Variants in SEPTIN14 observed in about 807,000 individuals in gnomAD.
The protein encoded by SEPTIN14 is septin 14, also known as septin-14.
In SEPTIN14, 40 loss-of-function variants were observed where a neutral mutation model predicts 53.6. The observed-to-expected ratio is 0.75, with a 90% CI of 0.58 to 0.97. SEPTIN14 has a LOEUF of 0.97. Ranked by LOEUF, SEPTIN14 falls within the 50% of genes least tolerant of loss-of-function variation. The pLI is 0.00. For synonymous variants in SEPTIN14, 138 were observed against 166.8 expected (o/e 0.83, Z 1.33); for missense variants, 471 against 508.2 (o/e 0.93, Z 0.70).
chr7:55,800,763 T>C (rs1312223676), intron 9 of SEPTIN14, among the ~76,000 whole-genome samples: 2 of 152,196 alleles, frequency 1.3e-5, no homozygotes. Context: ...TAAGACGCAG[T>C]ATTTGATAGC....
At chr7:55,826,253 C>A (rs1788985665) in intron 6 of SEPTIN14, among the ~76,000 whole-genome samples, 1 of 152,066 alleles carries the variant, frequency 6.6e-6, no homozygotes, top group East Asian at 1.9e-4. Flanking sequence ...ATTCACACTG[C>A]CATACATTAG....
In SEPTIN14 at chr7:55,852,139, C is replaced by CT. The variant is rs1438195502; in HGVS notation, c.55-5503_55-5502insA. Among the ~76,000 whole-genome samples, 209 of 115,662 alleles carry CT rather than the reference C, an allele frequency of 1.8e-3. 1 individual carries two copies. Among genetic ancestry groups the CT allele is most frequent in the African/African-American group, 6.0e-3 (194 of 32,442 alleles). 75.9% of individuals were successfully genotyped at this position (115,662 alleles called of 152,430 possible). Reference sequence around the variant, plus strand: ...CCTGGGCAACAGAGTGAGACTCTGTCAAAAAAAAAAAAAAGAAGAAGAAAA... The same window carrying CT: ...CCTGGGCAACAGAGTGAGACTCTGTCTAAAAAAAAAAAAAAGAAGAAGAAAA... On this transcript the variant is annotated intron_variant, in intron 2 of 9. Transcript: ENST00000388975.
intron 2 of SEPTIN14, among the ~76,000 whole-genome samples, chr7:55,858,571 G>A (rs1456190698): frequency 6.6e-6 from 1 of 152,172 alleles, no homozygotes; most frequent in Non-Finnish European, 1.5e-5. Context: ...TTGGGAGGCA[G>A]AGGCGAGCAG....
chr7:55,797,072 G>A (rs1304488544), intron 9 of SEPTIN14, among the ~76,000 whole-genome samples: 17 of 152,076 alleles, frequency 1.1e-4, no homozygotes, highest in Admixed American at 4.6e-4. Context: ...GCAGTAAGCC[G>A]AGACCGTGCC....
At position 55,795,020 on chromosome 7, in the gene SEPTIN14, T is replaced by C. The variant is rs1404234741; in HGVS notation, c.*893A>G. On this transcript the variant is annotated 3_prime_UTR_variant, in exon 10 of 10. Coordinates refer to ENST00000388975, the MANE Select transcript of SEPTIN14 (RefSeq NM_207366.3). Reference sequence around the variant, plus strand: ...GTAACACATAATATTATCATTCAAATGCAACTCTTTCTCTAGCTTTTGAAT... The same window carrying C: ...GTAACACATAATATTATCATTCAAACGCAACTCTTTCTCTAGCTTTTGAAT... 1.3e-5 allele frequency: 2 copies of C among 152,180 alleles called. No individual in the cohort carries two copies. The highest frequency in any genetic ancestry group is 2.9e-5 in the Non-Finnish European group (2 of 68,042). 9.4% of individuals were successfully genotyped at this position (152,180 alleles called of 1,614,324 possible).
intron 5 of SEPTIN14, among the ~76,000 whole-genome samples, chr7:55,837,785 G>C (rs1186691288): frequency 6.6e-6 from 1 of 152,148 alleles, no homozygotes; most frequent in Non-Finnish European, 1.5e-5. Flanking sequence ...GTTTCACCAT[G>C]TTGGTCAGGC....
At chr7:55,832,921 A>G (rs1043099219) in intron 6 of SEPTIN14, among the ~76,000 whole-genome samples, 1 of 152,142 alleles carries the variant, frequency 6.6e-6, no homozygotes, top group Middle Eastern at 3.2e-3. Context: ...AAACCTCACC[A>G]TTATGCAATA....
intron 7 of SEPTIN14, among the ~76,000 whole-genome samples, chr7:55,818,071 A>G (rs1268710722): frequency 2.0e-5 from 3 of 152,190 alleles, no homozygotes; most frequent in Non-Finnish European, 4.4e-5. Context: ...ATAGATATAT[A>G]TTTTATAACA....
chr7:55,830,878 T>G (rs1006616263), intron 6 of SEPTIN14, among the ~76,000 whole-genome samples: 3 of 152,054 alleles, frequency 2.0e-5, no homozygotes, highest in Non-Finnish European at 4.4e-5. Flanking sequence ...ACAGCCAAAT[T>G]TTGCCACAAG....
At position 55,805,302 on chromosome 7, in the gene SEPTIN14, G is replaced by A. The variant is rs756347947; in HGVS notation, c.1075C>T (p.Arg359Ter). The change falls in exon 9 of 10, where the codon CGA (arginine) becomes TGA (stop). Residue 359 changes from arginine (R) to a stop codon, truncating the protein, a stop_gained. Coordinates refer to ENST00000388975, the MANE Select transcript of SEPTIN14 (RefSeq NM_207366.3). LOFTEE classifies it high-confidence loss of function. The part of the protein sequence containing the change: ...EEELKQRFMQ[R>*]VKEKEATFKE... ...AATGTTGCTTCTTTCTCCTTGACTCGCTGCATAAATCTCTGTTTCAACTCT... is the reference window on the plus strand; with the variant it reads ...AATGTTGCTTCTTTCTCCTTGACTCACTGCATAAATCTCTGTTTCAACTCT... The A allele has an allele frequency of 1.6e-5, 26 of 1,611,130 alleles. No individual in the cohort carries two copies. Among genetic ancestry groups the A allele is most frequent in the Admixed American group, 5.0e-5 (3 of 59,748 alleles).
At chr7:55,819,771 T>C (rs1788861888) in intron 6 of SEPTIN14, among the ~76,000 whole-genome samples, 1 of 152,174 alleles carries the variant, frequency 6.6e-6, no homozygotes, top group Admixed American at 6.5e-5. Flanking sequence ...GGTATCCTGC[T>C]GTGGGAAACA....
intron 3 of SEPTIN14, among the ~76,000 whole-genome samples, chr7:55,845,688 A>C (rs934414083): frequency 5.9e-5 from 9 of 152,106 alleles, no homozygotes; most frequent in African/African-American, 2.2e-4. Context: ...TTTTCAATTA[A>C]AAATAATATT....
At chr7:55,813,900 G>A (rs1160721358) in intron 7 of SEPTIN14, among the ~76,000 whole-genome samples, 1 of 152,124 alleles carries the variant, frequency 6.6e-6, no homozygotes, top group African/African-American at 2.4e-5. Flanking sequence ...TAGTAGCAAG[G>A]CAGTAGTTGC....
At chr7:55,838,290 T>G (rs1034602173) in intron 5 of SEPTIN14, among the ~76,000 whole-genome samples, 1 of 152,210 alleles carries the variant, frequency 6.6e-6, no homozygotes, top group Non-Finnish European at 1.5e-5. Context: ...GGCTCTTGTA[T>G]CTGAATCCTG....
rs748016550 is a variant in SEPTIN14, at chr7:55,795,946, G to A, written c.1266C>T (p.Thr422=). 45 of 1,594,252 alleles carry A rather than the reference G, an allele frequency of 2.8e-5. No individual in the cohort carries two copies. The highest frequency in any genetic ancestry group is 2.3e-4 in the South Asian group (21 of 90,894). Residue 422 remains threonine, a synonymous_variant, in exon 10 of 10, where the codon ACC becomes ACT. Transcript: ENST00000388975. ...TACGATGTTTGTCTTTCTTTGTATC[G>A]GTGCTCAGCTGAGTCTGCAGTGCTT... ...ASEALQTQLS[T]DTKKDKHRKK is the part of the protein sequence containing the mutation.
intron 1 of SEPTIN14, 100 bp from the exon 2 acceptor site, chr7:55,862,111 T>C (rs2116092946): frequency 2.8e-6 from 2 of 706,806 alleles, no homozygotes; most frequent in South Asian, 3.7e-5. Flanking sequence ...TGGGTATTTT[T>C]GCAAGCTTTA....
At chr7:55,840,980 ACCT>A (rs1789301447) in intron 5 of SEPTIN14, among the ~76,000 whole-genome samples, 1 of 151,966 alleles carries the variant, frequency 6.6e-6, no homozygotes, top group Non-Finnish European at 1.5e-5. Context: ...GCTCACTGCA[ACCT>A]CCGCCTCCCT....
rs530185124 is a variant in SEPTIN14 at position 55,794,654 on chromosome 7, T to G, written c.*1259A>C. 6.6e-6 allele frequency: 1 copy of G among 152,166 alleles called. No homozygotes were observed. Among genetic ancestry groups the G allele is most frequent in the African/African-American group, 2.4e-5 (1 of 41,448 alleles). The allele number at this position is 152,166 out of a possible 1,614,324, so 9.4% of individuals were successfully genotyped here. On this transcript the variant is annotated 3_prime_UTR_variant, in exon 10 of 10. Transcript: ENST00000388975. ...AAAAGTCATTGTGGGTCAGGCACAG[T>G]GGCTTATACCAGGTGTGGTGACTCA...
intron 6 of SEPTIN14, among the ~76,000 whole-genome samples, chr7:55,826,600 C>A (rs1310536896): frequency 1.3e-5 from 2 of 152,136 alleles, no homozygotes; most frequent in Admixed American, 1.3e-4. Context: ...GAGTTCAAGA[C>A]CAGCCTGGCC....
Sources: gnomAD v4.1 joint callset for allele counts (sites outside exome capture counted in the v4.1 genomes callset) on GRCh38, gnomAD v4.1.1 for gene constraint, MANE v1.5 for transcripts, NCBI Gene and HGNC (gene_info 2026-07-23, HGNC 2026-07-21) for gene names.